Variants in LINGO2 observed in about 807,000 individuals in gnomAD.
LINGO2 encodes the protein leucine-rich repeat and immunoglobulin-like domain-containing nogo receptor-interacting protein 2.
Under a neutral mutation model 30.6 loss-of-function variants are expected in LINGO2, and 14 were observed. That is an observed-to-expected ratio of 0.46 (90% CI 0.30 to 0.72). The LOEUF (loss-of-function observed/expected upper bound fraction) is 0.72. Ranked by LOEUF, LINGO2 falls within the 30% of genes least tolerant of loss-of-function variation. LINGO2 has a pLI of 0.07. For missense variants in LINGO2, 729 were observed against 751.7 expected, an observed-to-expected ratio of 0.97 and a Z score of 0.35; for synonymous variants, 317 against 288.5, an observed-to-expected ratio of 1.10 and a Z score of -1.00.
At chr9:28,969,385 A>AACTG in the LINGO2 span, among the ~76,000 whole-genome samples, 2 of 152,198 alleles carry the variant, frequency 1.3e-5, no homozygotes, top group African/African-American at 2.4e-5. Flanking sequence ...CTGTGCTGGT[A>AACTG]ACTGAGACTG....
chr9:28,134,252 T>A (rs1827453250), intron 4 of LINGO2, among the ~76,000 whole-genome samples: 1 of 152,168 alleles, frequency 6.6e-6, no homozygotes, highest in Non-Finnish European at 1.5e-5. Flanking sequence ...ACAGTGATCA[T>A]TAAAAATATA....
At chr9:28,793,243 A>T in the LINGO2 span, among the ~76,000 whole-genome samples, 44 of 152,144 alleles carry the variant, frequency 2.9e-4, no homozygotes, top group Non-Finnish European at 4.3e-4. Flanking sequence ...TATTTTTTAA[A>T]TTTTTTTGAG....
intron 4 of LINGO2, among the ~76,000 whole-genome samples, chr9:28,294,519 A>C (rs536585079): frequency 6.6e-6 from 1 of 152,148 alleles, no homozygotes; most frequent in African/African-American, 2.4e-5. Flanking sequence ...TATTTAATTT[A>C]TGTTGTAGGG....
At chr9:29,182,327 G>A in the LINGO2 span, among the ~76,000 whole-genome samples, 48 of 152,222 alleles carry the variant, frequency 3.2e-4, no homozygotes, top group East Asian at 9.1e-3. Context: ...TGTCCAGCAG[G>A]AACCAAGATG....
the LINGO2 span, among the ~76,000 whole-genome samples, chr9:28,677,881 A>G: frequency 2.6e-5 from 4 of 151,916 alleles, no homozygotes; most frequent in Non-Finnish European, 4.4e-5. Flanking sequence ...CGAGAAACCA[A>G]TACCCTGGGA....
rs765942733 is a variant in LINGO2, at chr9:28,053,670, AAT to A, written c.-86-41267_-86-41266del. 1.4e-3 allele frequency among the ~76,000 whole-genome samples: 216 copies of A among 152,200 alleles called. 1 individual carries two copies. Among genetic ancestry groups the A allele is most frequent in the Non-Finnish European group, 2.5e-3 (173 of 67,992 alleles). On this transcript the variant is annotated intron_variant, in intron 4 of 5. Coordinates refer to ENST00000379992, the Ensembl canonical transcript of LINGO2. ...ATCAAGATCACCTGGGGAATTGTAA[AAT>A]AAACTGATGTCGAGGCCTCATCATG...
the LINGO2 span, among the ~76,000 whole-genome samples, chr9:29,087,573 G>A: frequency 6.6e-6 from 1 of 152,108 alleles, no homozygotes; most frequent in Non-Finnish European, 1.5e-5. Flanking sequence ...AGACCACACT[G>A]TTTCCCAAGA....
intron 4 of LINGO2, among the ~76,000 whole-genome samples, chr9:28,177,323 G>C (rs1382443229): frequency 4.6e-5 from 7 of 152,112 alleles, no homozygotes; most frequent in Non-Finnish European, 1.0e-4. Context: ...TTTGGAACTG[G>C]CCAAAGTTCT....
chr9:28,780,828 TAATGTG>T, the LINGO2 span, among the ~76,000 whole-genome samples: 597 of 139,426 alleles, frequency 4.3e-3, 3 homozygotes, highest in East Asian at 0.018. Context: ...ATCTTGGTAG[TAATGTG>T]TGTGTGTGTG....
At chr9:28,018,099 C>T (rs1034184218) in intron 4 of LINGO2, among the ~76,000 whole-genome samples, 1 of 152,064 alleles carries the variant, frequency 6.6e-6, no homozygotes, top group African/African-American at 2.4e-5. Flanking sequence ...CAAAAGCAAG[C>T]AATGGGGAAA....
the LINGO2 span, among the ~76,000 whole-genome samples, chr9:29,085,479 C>T: frequency 6.6e-6 from 1 of 151,788 alleles, no homozygotes; most frequent in East Asian, 1.9e-4. Flanking sequence ...AAATAGTTAT[C>T]ACCTTCCTCC....
intron 1 of LINGO2, among the ~76,000 whole-genome samples, chr9:28,545,658 A>AG (rs145496813): frequency 0.013 from 2,041 of 151,986 alleles, 44 homozygotes; most frequent in East Asian, 0.096. Context: ...GAGGAAAAAG[A>AG]GGGGGGGAAC....
chr9:28,121,314 T>G lies in LINGO2; in HGVS notation c.-86-108909A>C, dbSNP rs545991273. On this transcript the variant is annotated intron_variant, in intron 4 of 5. Coordinates refer to ENST00000379992, the Ensembl canonical transcript of LINGO2. The stretch of plus-strand genomic sequence containing the variant: ...TAAACTAAAAATCATTTTTAAATAT[T>G]GGTAAAGGACTTTGGTGGTTTTACT... Among the ~76,000 whole-genome samples the G allele has an allele frequency of 3.3e-5, 5 of 152,340 alleles. No individual in the cohort carries two copies. In the South Asian group the frequency reaches 1.0e-3, roughly 32 times the overall value.
At chr9:28,256,212 T>G (rs968439175) in intron 4 of LINGO2, among the ~76,000 whole-genome samples, 4 of 152,034 alleles carry the variant, frequency 2.6e-5, no homozygotes, top group Non-Finnish European at 5.9e-5. Context: ...CTATTTTTAT[T>G]TCCTTAATGC....
At chr9:28,637,144 T>C (rs1827320226) in intron 1 of LINGO2, among the ~76,000 whole-genome samples, 1 of 152,188 alleles carries the variant, frequency 6.6e-6, no homozygotes, top group African/African-American at 2.4e-5. Flanking sequence ...ATATGTGGCA[T>C]TATTTTTCAG....
At chr9:28,308,078 T>A (rs966541655) in intron 3 of LINGO2, among the ~76,000 whole-genome samples, 42 of 146,170 alleles carry the variant, frequency 2.9e-4, no homozygotes, top group Non-Finnish European at 4.2e-4. Flanking sequence ...TGGAAAAAAC[T>A]ACTTTAAAGT....
At position 27,949,277 on chromosome 9, in the gene LINGO2, A is replaced by G. The variant is rs747318931; in HGVS notation, c.1395T>C (p.Asp465=). 2.6e-5 allele frequency: 42 copies of G among 1,614,000 alleles called. No homozygotes were observed. The African/African-American group carries it at 3.7e-4, about 14-fold the overall frequency. Residue 465 remains aspartate, a synonymous_variant, in exon 6 of 6, where the codon GAT becomes GAC. Coordinates refer to ENST00000379992, the Ensembl canonical transcript of LINGO2. ...GGGCAAAGCGGATTTCCAAGGTGCCATCACCCAACACGGTGGCTCTTCCAT... is the reference window on the plus strand; with the variant it reads ...GGGCAAAGCGGATTTCCAAGGTGCCGTCACCCAACACGGTGGCTCTTCCAT...
chr9:28,207,961 G>T (rs1485146082), intron 4 of LINGO2, among the ~76,000 whole-genome samples: 1 of 151,850 alleles, frequency 6.6e-6, no homozygotes, highest in Non-Finnish European at 1.5e-5. Context: ...TGAATAAGTA[G>T]ATTGGAAATT....
At chr9:29,176,469 C>T in the LINGO2 span, among the ~76,000 whole-genome samples, 1 of 152,212 alleles carries the variant, frequency 6.6e-6, no homozygotes, top group African/African-American at 2.4e-5. Flanking sequence ...GTCCCCTACA[C>T]ATGCACACAC....
Sources: allele counts gnomAD v4.1 joint callset (sites outside exome capture counted in the v4.1 genomes callset), GRCh38; gene constraint gnomAD v4.1.1; transcripts MANE v1.5; gene names NCBI Gene and HGNC (gene_info 2026-07-23, HGNC 2026-07-21).